The following UFSP2 variants were observed in gnomAD, a reference collection of about 807,000 sequenced individuals.
The protein encoded by UFSP2 is ufm1-specific protease 2.
In UFSP2, 43 loss-of-function variants were observed where a neutral mutation model predicts 60.2. That is an observed-to-expected ratio of 0.71 (90% CI 0.56 to 0.92). The LOEUF is 0.92. Among genes scored for constraint, UFSP2 ranks in the 40% least tolerant of loss-of-function variants. UFSP2 has a pLI of 0.00. For missense variants in UFSP2, 520 were observed against 575.0 expected, an observed-to-expected ratio of 0.90 and a Z score of 0.98; for synonymous variants, 183 against 195.1, an observed-to-expected ratio of 0.94 and a Z score of 0.52.
chr4:185,422,574 T>TA lies in UFSP2; in HGVS notation c.4-12dup. On this transcript the variant is annotated splice_polypyrimidine_tract_variant and intron_variant, in intron 1 of 11. Coordinates refer to ENST00000264689, the MANE Select transcript of UFSP2 (RefSeq NM_018359.5). ...ACTTTCTGAAATCACCTAGAACAAA[T>TA]AAAGATAAAGACAAACTCCCTTGTA... The TA allele has an allele frequency of 3.2e-6, 5 of 1,567,402 alleles. No individual in the cohort carries two copies. The highest frequency in any genetic ancestry group is 4.3e-6 in the Non-Finnish European group (5 of 1,154,268).
chr4:185,408,788 T>C (rs1428194716), intron 7 of UFSP2, among the ~76,000 whole-genome samples: 2 of 152,136 alleles, frequency 1.3e-5, no homozygotes, highest in Non-Finnish European at 2.9e-5. Context: ...CCAAATTAAT[T>C]GTACAGCTTG....
rs780915504 is a variant in UFSP2 at position 185,415,852 on chromosome 4, T to C, written c.349A>G (p.Ile117Val). Residue 117 changes from isoleucine to valine, a missense_variant, in exon 5 of 12, where the codon ATA (isoleucine) becomes GTA (valine). Physicochemically the swap from Ile to Val is conservative, Grantham distance 29 (BLOSUM62 3). Coordinates refer to ENST00000264689, the MANE Select transcript of UFSP2 (RefSeq NM_018359.5). ...GTTGACATTTCCAGCATAAGATCTA[T>C]ATTTACTATTTGATGCTATATAGAT... ...KLSDMHQIVN[I>V]DLMLEMSTSL... is the part of the protein sequence containing the mutation. The C allele has an allele frequency of 9.3e-6, 15 of 1,613,078 alleles. No individual in the cohort carries two copies. The Admixed American group carries it at 1.5e-4, about 16-fold the overall frequency.
chr4:185,418,886 C>A, intron 2 of UFSP2, 116 bp from the exon 3 acceptor site: 1 of 784,134 alleles, frequency 1.3e-6, no homozygotes, highest in Non-Finnish European at 1.8e-6. Flanking sequence ...TCCCCATATT[C>A]AATAATAATT....
At chr4:185,421,089 T>G (rs1001106535) in intron 2 of UFSP2, among the ~76,000 whole-genome samples, 12 of 152,234 alleles carry the variant, frequency 7.9e-5, no homozygotes, top group Non-Finnish European at 1.5e-4. Context: ...AAAATGGTTC[T>G]CATCTTAATG....
At chr4:185,418,187 GTATT>G (rs577475737) in intron 4 of UFSP2, among the ~76,000 whole-genome samples, 1 of 152,160 alleles carries the variant, frequency 6.6e-6, no homozygotes, top group Non-Finnish European at 1.5e-5. Context: ...ATTTATAAAT[GTATT>G]TAGGCTGTTT....
At chr4:185,411,067 T>A in intron 7 of UFSP2, among the ~76,000 whole-genome samples, 1 of 141,070 alleles carries the variant, frequency 7.1e-6, no homozygotes, top group African/African-American at 2.6e-5. Context: ...AGAGCAAAAA[T>A]TAATAAAATC....
intron 4 of UFSP2, among the ~76,000 whole-genome samples, chr4:185,418,180 T>C (rs1445865520): frequency 6.6e-6 from 1 of 152,194 alleles, no homozygotes; most frequent in Non-Finnish European, 1.5e-5. Context: ...TTAAGTAATT[T>C]ATAAATGTAT....
At chr4:185,406,002 C>A (rs1337944237) in intron 9 of UFSP2, 146 bp from the exon 10 acceptor site, 1 of 1,498,852 alleles carries the variant, frequency 6.7e-7, no homozygotes. Flanking sequence ...TGTTAGGGAA[C>A]TGAGAGCAAT....
chr4:185,407,725 T>C (rs2095522871), intron 9 of UFSP2, among the ~76,000 whole-genome samples: 1 of 151,012 alleles, frequency 6.6e-6, no homozygotes, highest in South Asian at 2.1e-4. Context: ...ATACATTACA[T>C]CACAAAGTTT....
At chr4:185,404,931 G>A (rs562298110) in intron 10 of UFSP2, among the ~76,000 whole-genome samples, 101 of 151,832 alleles carry the variant, frequency 6.7e-4, no homozygotes, top group African/African-American at 2.1e-3. Context: ...GGAGTCAGGC[G>A]TGAGCTACTG....
At chr4:185,417,779 C>T (rs2095541370) in intron 4 of UFSP2, among the ~76,000 whole-genome samples, 1 of 152,152 alleles carries the variant, frequency 6.6e-6, no homozygotes. Context: ...CGCGGTGGCT[C>T]ACACCTGTAA....
At chr4:185,418,326 G>T in intron 4 of UFSP2, 115 bp downstream of exon 4, 1 of 735,276 alleles carries the variant, frequency 1.4e-6, no homozygotes, top group Non-Finnish European at 2.1e-6. Context: ...AATCTTTTTG[G>T]ACATCAATAT....
At chr4:185,402,210 C>G (rs1485167918) in intron 11 of UFSP2, 2 of 436,078 alleles carry the variant, frequency 4.6e-6, no homozygotes, top group African/African-American at 2.1e-5. Context: ...TAGGACAGTG[C>G]CTGGCACTTG....
In UFSP2 at chr4:185,422,490, G is replaced by A. The variant is rs915677185; in HGVS notation, c.77C>T (p.Pro26Leu). 6.2e-6 allele frequency: 10 copies of A among 1,608,710 alleles called. No individual in the cohort carries two copies. The highest frequency in any genetic ancestry group is 8.5e-6 in the Non-Finnish European group (10 of 1,178,026). The change falls in exon 2 of 12, where the codon CCT becomes CTT. Residue 26 changes from proline to leucine, a missense_variant. Transcript: ENST00000264689. ...GAATTTTTCAGAAGACCTACCATTAGGAGTAGCTAGCTGAAAAGCCAAATC... is the reference window on the plus strand; with the variant it reads ...GAATTTTTCAGAAGACCTACCATTAAGAGTAGCTAGCTGAAAAGCCAAATC... The part of the protein sequence containing the change: ...GLDLAFQLAT[P>L]NEIFLKKALK...
chr4:185,425,901 G>C lies in UFSP2; in HGVS notation c.-33C>G. 1 of 1,586,962 alleles carries C rather than the reference G, an allele frequency of 6.3e-7. No individual in the cohort carries two copies. The highest frequency in any genetic ancestry group is 1.3e-5 in the African/African-American group (1 of 74,644). On this transcript the variant is annotated 5_prime_UTR_variant, in exon 1 of 12. Transcript: ENST00000264689. ...ACGTGGCGGTGACACGGGCGCTGACGCCTGCCCAAAAGTTCCGGGGGCCGG... is the reference window on the plus strand; with the variant it reads ...ACGTGGCGGTGACACGGGCGCTGACCCCTGCCCAAAAGTTCCGGGGGCCGG...
At chr4:185,407,040 G>C in intron 9 of UFSP2, among the ~76,000 whole-genome samples, 1 of 57,746 alleles carries the variant, frequency 1.7e-5, no homozygotes, top group East Asian at 4.5e-4. Flanking sequence ...TTTTTTTTTA[G>C]AAAATGTATT....
chr4:185,409,556 C>G (rs1349107861), intron 7 of UFSP2, among the ~76,000 whole-genome samples: 1 of 152,048 alleles, frequency 6.6e-6, no homozygotes, highest in African/African-American at 2.4e-5. Context: ...CCAACCCTCA[C>G]CCAACAATTA....
In UFSP2 at chr4:185,408,443, C is replaced by A. The variant is rs745512760; in HGVS notation, c.832-8G>T. On this transcript the variant is annotated splice_region_variant and splice_polypyrimidine_tract_variant and intron_variant, in intron 7 of 11. Coordinates refer to ENST00000264689, the MANE Select transcript of UFSP2 (RefSeq NM_018359.5). ...GCCCTGGACCACATAAATCTATATA[C>A]AGAGAAGAAACACAGTAAAATATTA... is the stretch of plus-strand genomic sequence containing the variant. 1.2e-6 allele frequency: 2 copies of A among 1,611,678 alleles called. No individual in the cohort carries two copies. Among genetic ancestry groups the A allele is most frequent in the Non-Finnish European group, 1.7e-6 (2 of 1,178,592 alleles).
At position 185,403,553 on chromosome 4, in the gene UFSP2, A is replaced by T; in HGVS notation, c.1264T>A (p.Phe422Ile). The change falls in exon 11 of 12, where the codon TTT becomes ATT. Residue 422 changes from phenylalanine (F) to isoleucine (I), a missense_variant. Phe to Ile is a conservative substitution (Grantham distance 21). Transcript: ENST00000264689. ...AWNEITGQIK[F>I]LILDPHYTGA... ...GTATAATGTGGATCTAGAATCAGAA[A>T]CTTTATCTGCCCTGTAATCTCATTC... is the stretch of plus-strand genomic sequence containing the variant. The T allele has an allele frequency of 1.9e-6, 3 of 1,614,152 alleles. No homozygotes were observed. The African/African-American group carries it at 4.0e-5, about 22-fold the overall frequency.
Sources: gnomAD v4.1 joint callset for allele counts (sites outside exome capture counted in the v4.1 genomes callset) on GRCh38, gnomAD v4.1.1 for gene constraint, MANE v1.5 for transcripts, NCBI Gene and HGNC (gene_info 2026-07-23, HGNC 2026-07-21) for gene names.